UBE2E2: variants seen among roughly 807,000 people sequenced by gnomAD.
UBE2E2 encodes the protein ubiquitin conjugating enzyme E2 E2.
A neutral mutation model predicts 24.7 loss-of-function variants in UBE2E2; 6 were observed. The ratio of observed to expected loss-of-function variants is 0.24; its 90% CI spans 0.13 to 0.48. UBE2E2 has a LOEUF of 0.48. UBE2E2 is among the 20% of genes least tolerant of loss of function. The pLI is 0.99. For synonymous variants in UBE2E2, 104 were observed against 83.6 expected, an observed-to-expected ratio of 1.24 and a Z score of -1.33; for missense variants, 169 against 245.0, an observed-to-expected ratio of 0.69 and a Z score of 2.07.
intron 3 of UBE2E2, among the ~76,000 whole-genome samples, chr3:23,450,816 G>T (rs1312670019): frequency 1.3e-5 from 2 of 151,958 alleles, no homozygotes; most frequent in Non-Finnish European, 2.9e-5. Context: ...CCTTACATTA[G>T]TATAGTATGT....
chr3:23,241,038 A>C (rs1244773880), intron 3 of UBE2E2, among the ~76,000 whole-genome samples: 1 of 152,230 alleles, frequency 6.6e-6, no homozygotes. Flanking sequence ...CCATATGAAT[A>C]TTTAATAGGC....
chr3:23,269,284 A>C (rs1229730974), intron 3 of UBE2E2, among the ~76,000 whole-genome samples: 1 of 152,196 alleles, frequency 6.6e-6, no homozygotes, highest in African/African-American at 2.4e-5. Flanking sequence ...AATGGGAGAA[A>C]ATTTTCACAA....
In UBE2E2 at chr3:23,555,289, C is replaced by G. The variant is rs191118190; in HGVS notation, c.508+22588C>G. ...GTATATGAAAAGGTGTTCAGCATCA[C>G]TAATCATCAGGGAAATACAAATCAA... On this transcript the variant is annotated intron_variant, in intron 5 of 5. Coordinates refer to ENST00000396703, the MANE Select transcript of UBE2E2 (RefSeq NM_152653.4). Among the ~76,000 whole-genome samples, 85 of 152,292 alleles carry G rather than the reference C, an allele frequency of 5.6e-4. 3 individuals carry two copies. The East Asian group carries it at 0.015, about 27-fold the overall frequency.
chr3:23,205,686 A>C (rs1476879052), intron 1 of UBE2E2, among the ~76,000 whole-genome samples: 2 of 152,164 alleles, frequency 1.3e-5, no homozygotes. Context: ...TTTGGATGAA[A>C]TATGTCTTAA....
At chr3:23,488,578 T>C (rs150577194) in intron 3 of UBE2E2, among the ~76,000 whole-genome samples, 2 of 152,338 alleles carry the variant, frequency 1.3e-5, no homozygotes, top group Admixed American at 6.5e-5. Context: ...GTAATAATTA[T>C]GCAATTAGAA....
intron 3 of UBE2E2, among the ~76,000 whole-genome samples, chr3:23,443,432 G>T (rs932551365): frequency 6.6e-6 from 1 of 152,164 alleles, no homozygotes; most frequent in African/African-American, 2.4e-5. Context: ...ACTCAGTCCT[G>T]TAGGTTCGTT....
chr3:23,533,309 C>G (rs1446268418), intron 5 of UBE2E2, among the ~76,000 whole-genome samples: 1 of 152,212 alleles, frequency 6.6e-6, no homozygotes. Context: ...CATGTCTTTA[C>G]AAATTGGGTT....
At chr3:23,287,796 T>G (rs1553598504) in intron 3 of UBE2E2, among the ~76,000 whole-genome samples, 2 of 151,290 alleles carry the variant, frequency 1.3e-5, no homozygotes, top group African/African-American at 2.4e-5. Context: ...TTTACATCTC[T>G]GATTTTATTC....
Position 23,540,349 on chromosome 3 carries a change from C to T in UBE2E2, c.508+7648C>T, listed in dbSNP as rs115103048. 6.8e-3 allele frequency among the ~76,000 whole-genome samples: 1,036 copies of T among 151,990 alleles called. 16 individuals carry two copies. The highest frequency in any genetic ancestry group is 0.021 in the African/African-American group (852 of 41,406). On this transcript the variant is annotated intron_variant, in intron 5 of 5. Transcript: ENST00000396703. Reference sequence around the variant, plus strand: ...ATGTTACTAAAAGATACAGCATGTGCCCTGTGGAAGATAAGCCACTGAGTA... The same window carrying T: ...ATGTTACTAAAAGATACAGCATGTGTCCTGTGGAAGATAAGCCACTGAGTA...
intron 3 of UBE2E2, among the ~76,000 whole-genome samples, chr3:23,450,604 A>G (rs1231614579): frequency 6.6e-6 from 1 of 152,218 alleles, no homozygotes; most frequent in African/African-American, 2.4e-5. Flanking sequence ...TGTATTCACC[A>G]ACATTGCCCT....
chr3:23,258,747 G>T (rs1320734806), intron 3 of UBE2E2, among the ~76,000 whole-genome samples: 1 of 151,788 alleles, frequency 6.6e-6, no homozygotes, highest in Non-Finnish European at 1.5e-5. Context: ...CAAAAAATTA[G>T]CCGGGCGTGG....
chr3:23,332,873 CA>C (rs1336383907), intron 3 of UBE2E2, among the ~76,000 whole-genome samples: 2 of 152,166 alleles, frequency 1.3e-5, no homozygotes, highest in Non-Finnish European at 2.9e-5. Flanking sequence ...AGAAACCCAG[CA>C]CTTTATAAGA....
intron 3 of UBE2E2, among the ~76,000 whole-genome samples, chr3:23,272,855 C>A (rs554512693): frequency 6.6e-6 from 1 of 152,142 alleles, no homozygotes; most frequent in South Asian, 2.1e-4. Flanking sequence ...TGAAAGCTGG[C>A]AGGCCCAAGA....
At chr3:23,565,119 G>A (rs1047614408) in intron 5 of UBE2E2, among the ~76,000 whole-genome samples, 1 of 152,088 alleles carries the variant, frequency 6.6e-6, no homozygotes, top group East Asian at 1.9e-4. Context: ...TTTTGTGTCA[G>A]TTTCATTTAT....
At chr3:23,516,164 A>G (rs2125470435) in intron 4 of UBE2E2, among the ~76,000 whole-genome samples, 1 of 152,356 alleles carries the variant, frequency 6.6e-6, no homozygotes, top group Non-Finnish European at 1.5e-5. Context: ...TTCTAGATAC[A>G]TAGTTTAAGA....
rs139054531 is a variant in UBE2E2, at chr3:23,240,067, A to G, written c.227+22755A>G. On this transcript the variant is annotated intron_variant, in intron 3 of 5. Transcript: ENST00000396703. ...AGGAGCCTGGTTAAAGTTTGGAACTATTATAGACTGGGAGAATAGGCATCT... is the reference window on the plus strand; with the variant it reads ...AGGAGCCTGGTTAAAGTTTGGAACTGTTATAGACTGGGAGAATAGGCATCT... Among the ~76,000 whole-genome samples the G allele has an allele frequency of 8.5e-4, 130 of 152,276 alleles. 2 individuals carry two copies. The highest frequency in any genetic ancestry group is 3.0e-3 in the African/African-American group (124 of 41,556).
chr3:23,585,612 TA>T (rs1696608031), intron 5 of UBE2E2, among the ~76,000 whole-genome samples: 1 of 152,180 alleles, frequency 6.6e-6, no homozygotes, highest in South Asian at 2.1e-4. Flanking sequence ...TTCAAAAGTG[TA>T]AATAATTTTT....
Position 23,279,860 on chromosome 3 carries a change from A to G in UBE2E2, c.227+62548A>G, listed in dbSNP as rs569864572. Among the ~76,000 whole-genome samples the G allele has an allele frequency of 3.9e-5, 6 of 152,350 alleles. No individual in the cohort carries two copies. The East Asian group carries it at 1.2e-3, about 29-fold the overall frequency. ...TTATAGTAGTTAACAGTGTAGGCAT[A>G]CATGACCAAACTCTTTTCCCTGCTC... On this transcript the variant is annotated intron_variant, in intron 3 of 5. Coordinates refer to ENST00000396703, the MANE Select transcript of UBE2E2 (RefSeq NM_152653.4).
At chr3:23,517,967 A>G (rs1484095751) in intron 4 of UBE2E2, among the ~76,000 whole-genome samples, 2 of 152,178 alleles carry the variant, frequency 1.3e-5, no homozygotes, top group East Asian at 3.8e-4. Context: ...AACATTAGAA[A>G]ATGGGAATTT....
Sources: allele counts gnomAD v4.1 joint callset (sites outside exome capture counted in the v4.1 genomes callset), GRCh38; gene constraint gnomAD v4.1.1; transcripts MANE v1.5; gene names NCBI Gene and HGNC (gene_info 2026-07-23, HGNC 2026-07-21).